CTNNA2: variants seen among roughly 807,000 people sequenced by gnomAD.
CTNNA2 encodes catenin alpha 2, also known as catenin alpha-2.
CTNNA2 carries 42 observed loss-of-function variants against 101.0 expected under a neutral mutation model. The observed-to-expected ratio is 0.42, with a 90% CI of 0.32 to 0.54. The LOEUF is 0.54. Ranked by LOEUF, CTNNA2 falls within the 20% of genes least tolerant of loss-of-function variation. The pLI is 0.14. For synonymous variants in CTNNA2, 450 were observed against 456.4 expected, an observed-to-expected ratio of 0.99 and a Z score of 0.18; for missense variants, 871 against 1,223.1, an observed-to-expected ratio of 0.71 and a Z score of 4.29.
intron 5 of CTNNA2, among the ~76,000 whole-genome samples, chr2:79,506,621 T>C (rs981019876): frequency 3.3e-5 from 5 of 152,220 alleles, no homozygotes; most frequent in Non-Finnish European, 5.9e-5. Context: ...TTGGTAATCT[T>C]TGGAAAAGCT....
At chr2:79,330,415 G>A (rs775811206) in intron 3 of CTNNA2, among the ~76,000 whole-genome samples, 10 of 152,150 alleles carry the variant, frequency 6.6e-5, no homozygotes, top group African/African-American at 9.7e-5. Context: ...TCAGTCCTGA[G>A]TGAAACTCAC....
chr2:80,528,035 C>T (rs1690188497), intron 9 of CTNNA2, among the ~76,000 whole-genome samples: 2 of 152,146 alleles, frequency 1.3e-5, no homozygotes, highest in South Asian at 4.2e-4. Context: ...AACTTGGTCT[C>T]CATTTTGCAG....
intron 7 of CTNNA2, among the ~76,000 whole-genome samples, chr2:80,261,050 C>T (rs138436253): frequency 7.8e-4 from 118 of 152,246 alleles, no homozygotes; most frequent in Non-Finnish European, 1.3e-3. Context: ...AGACTCTGCA[C>T]GGTTCTAAAC....
intron 2 of CTNNA2, among the ~76,000 whole-genome samples, chr2:79,228,632 G>A (rs1403146031): frequency 6.6e-6 from 1 of 150,970 alleles, no homozygotes; most frequent in African/African-American, 2.4e-5. Context: ...TAAGTTCCTT[G>A]TAGATTCTGG....
chr2:80,492,038 G>A (rs911594553), intron 9 of CTNNA2, among the ~76,000 whole-genome samples: 1 of 152,082 alleles, frequency 6.6e-6, no homozygotes, highest in African/African-American at 2.4e-5. Flanking sequence ...GAATTAGATG[G>A]TGATATGGTG....
At chr2:79,604,605 G>A (rs1677766580) in intron 1 of CTNNA2, among the ~76,000 whole-genome samples, 1 of 152,188 alleles carries the variant, frequency 6.6e-6, no homozygotes, top group African/African-American at 2.4e-5. Flanking sequence ...AATCAGCTGA[G>A]TACTGATCAG....
intron 2 of CTNNA2, among the ~76,000 whole-genome samples, chr2:79,684,077 G>C (rs965315365): frequency 6.6e-6 from 1 of 152,118 alleles, no homozygotes; most frequent in African/African-American, 2.4e-5. Flanking sequence ...AAGCTGGACA[G>C]GATGTAGTGA....
intron 9 of CTNNA2, among the ~76,000 whole-genome samples, chr2:80,489,224 A>T (rs966091116): frequency 6.6e-6 from 1 of 152,226 alleles, no homozygotes; most frequent in East Asian, 1.9e-4. Flanking sequence ...CTTTTAAATC[A>T]TGTTCACAAT....
chr2:79,509,595 G>A (rs1671491588), upstream of CTNNA2, among the ~76,000 whole-genome samples: 1 of 152,184 alleles, frequency 6.6e-6, no homozygotes, highest in Admixed American at 6.5e-5. Flanking sequence ...GTTTCCAGGG[G>A]TTAGGAGCAA....
intron 3 of CTNNA2, among the ~76,000 whole-genome samples, chr2:79,315,471 T>A (rs945071024): frequency 6.6e-6 from 1 of 152,168 alleles, no homozygotes; most frequent in Non-Finnish European, 1.5e-5. Context: ...TTTGCCCAGT[T>A]AAGATCTTTC....
chr2:79,849,291 GT>G (rs1230223462), intron 3 of CTNNA2, among the ~76,000 whole-genome samples: 12,197 of 142,834 alleles, frequency 0.085, 828 homozygotes, highest in African/African-American at 0.18. Flanking sequence ...GCATGATAGG[GT>G]TTTTTTTTTT....
At chr2:79,964,774 C>G (rs2104546336) in intron 7 of CTNNA2, among the ~76,000 whole-genome samples, 1 of 152,306 alleles carries the variant, frequency 6.6e-6, no homozygotes, top group East Asian at 1.9e-4. Context: ...TTCCCCACCC[C>G]TCCAGCCTCG....
At chr2:80,541,703 C>CA (rs1419582507) in intron 9 of CTNNA2, among the ~76,000 whole-genome samples, 1 of 151,732 alleles carries the variant, frequency 6.6e-6, no homozygotes, top group Admixed American at 6.6e-5. Context: ...CTGTGACTGA[C>CA]AGAGTCCAGT....
rs561746627 is a variant in CTNNA2 at position 79,214,263 on chromosome 2, C to G, written c.-406+16187C>G. ...TGCTGAGCCTGATGGGTGTCAGGGTCAGTCCAAGTGAAAGCGAAGAGAGGC... is the reference window on the plus strand; with the variant it reads ...TGCTGAGCCTGATGGGTGTCAGGGTGAGTCCAAGTGAAAGCGAAGAGAGGC... On this transcript the variant is annotated intron_variant, in intron 2 of 21. Coordinates refer to the CTNNA2 transcript ENST00000466387. Among the ~76,000 whole-genome samples the G allele has an allele frequency of 5.5e-4, 84 of 152,136 alleles. 1 individual carries two copies. The highest frequency in any genetic ancestry group is 2.0e-3 in the African/African-American group (81 of 41,514).
intron 3 of CTNNA2, among the ~76,000 whole-genome samples, chr2:79,855,656 G>A (rs1410469210): frequency 1.3e-5 from 2 of 152,144 alleles, no homozygotes; most frequent in Non-Finnish European, 2.9e-5. Context: ...AGCCCTACCT[G>A]AGTGACCTAC....
At chr2:79,736,532 T>C (rs1670890777) in intron 2 of CTNNA2, among the ~76,000 whole-genome samples, 1 of 152,226 alleles carries the variant, frequency 6.6e-6, no homozygotes, top group Non-Finnish European at 1.5e-5. Context: ...TTAGTTACAC[T>C]AGTTTTCCTC....
intron 2 of CTNNA2, among the ~76,000 whole-genome samples, chr2:79,677,962 A>G (rs1464693214): frequency 6.6e-6 from 1 of 152,258 alleles, no homozygotes; most frequent in Non-Finnish European, 1.5e-5. Context: ...TAAACAAAAC[A>G]AAGCAAAAAT....
At chr2:80,400,136 A>G (rs1678422428) in intron 8 of CTNNA2, among the ~76,000 whole-genome samples, 1 of 152,184 alleles carries the variant, frequency 6.6e-6, no homozygotes, top group South Asian at 2.1e-4. Context: ...GACTGAATGT[A>G]CTCAGTGGAT....
intron 7 of CTNNA2, among the ~76,000 whole-genome samples, chr2:79,957,048 C>T (rs929730892): frequency 6.6e-6 from 1 of 151,826 alleles, no homozygotes; most frequent in Non-Finnish European, 1.5e-5. Context: ...CCCAGATCCT[C>T]TTCTGTAACT....
Sources: gnomAD v4.1 joint callset for allele counts (sites outside exome capture counted in the v4.1 genomes callset) on GRCh38, gnomAD v4.1.1 for gene constraint, MANE v1.5 for transcripts, NCBI Gene and HGNC (gene_info 2026-07-23, HGNC 2026-07-21) for gene names.